The following GNA12 variants were observed in gnomAD, a reference collection of about 807,000 sequenced individuals.
The protein encoded by GNA12 is G protein subunit alpha 12.
GNA12 carries 9 observed loss-of-function variants against 26.0 expected under a neutral mutation model. The ratio of observed to expected loss-of-function variants is 0.35; its 90% confidence interval spans 0.21 to 0.60. The LOEUF is 0.60. Among genes scored for constraint, GNA12 ranks in the 20% least tolerant of loss-of-function variants. The pLI is 0.78. For missense variants in GNA12, 405 were observed against 525.8 expected (o/e 0.77, Z 2.25); for synonymous variants, 264 against 219.6 (o/e 1.20, Z -1.79).
chr7:2,748,834 T>A (rs1350804119), intron 2 of GNA12, among the ~76,000 whole-genome samples: 1 of 151,734 alleles, frequency 6.6e-6, no homozygotes, highest in Non-Finnish European at 1.5e-5. Flanking sequence ...AACAACCCCA[T>A]CAAAAAGTGG....
chr7:2,825,281 T>G (rs2114967100), intron 1 of GNA12, among the ~76,000 whole-genome samples: 1 of 152,174 alleles, frequency 6.6e-6, no homozygotes, highest in Non-Finnish European at 1.5e-5. Flanking sequence ...CCCTCCGAGC[T>G]CTTGCCAGGA....
At chr7:2,792,645 C>G (rs16870623) in intron 2 of GNA12, among the ~76,000 whole-genome samples, 1 of 152,366 alleles carries the variant, frequency 6.6e-6, no homozygotes, top group East Asian at 1.9e-4. Context: ...CATTGAGATA[C>G]TGACATGTAT....
At chr7:2,800,342 AG>A (rs1433159495) in intron 1 of GNA12, among the ~76,000 whole-genome samples, 1 of 152,218 alleles carries the variant, frequency 6.6e-6, no homozygotes, top group African/African-American at 2.4e-5. Flanking sequence ...AGACAGGGGG[AG>A]AAGTGACTAG....
intron 2 of GNA12, among the ~76,000 whole-genome samples, chr7:2,788,753 G>C (rs1050032115): frequency 1.3e-5 from 2 of 152,162 alleles, no homozygotes; most frequent in Admixed American, 1.3e-4. Flanking sequence ...CCTCTGCCCT[G>C]CTATGACCAC....
chr7:2,758,718 G>A (rs1344171796), intron 2 of GNA12, among the ~76,000 whole-genome samples: 1 of 152,222 alleles, frequency 6.6e-6, no homozygotes, highest in African/African-American at 2.4e-5. Flanking sequence ...GCCCCTAACA[G>A]CAGAGTCACA....
At position 2,778,108 on chromosome 7, in the gene GNA12, C is replaced by T. The variant is rs116876549; in HGVS notation, c.525+16820G>A. 9.8e-3 allele frequency among the ~76,000 whole-genome samples: 1,485 copies of T among 152,266 alleles called. 13 individuals carry two copies. Among genetic ancestry groups the T allele is most frequent in the Non-Finnish European group, 0.016 (1,080 of 68,028 alleles). ...TTAGCGGCATAGTCTTTTCCAAAGA[C>T]TCGCTGGGATACATGTGTCCAGTTG... On this transcript the variant is annotated intron_variant, in intron 2 of 3. Transcript: ENST00000275364.
At chr7:2,812,771 C>T (rs937271143) in intron 1 of GNA12, among the ~76,000 whole-genome samples, 1 of 151,788 alleles carries the variant, frequency 6.6e-6, no homozygotes, top group Non-Finnish European at 1.5e-5. Flanking sequence ...AAGGCACAGA[C>T]GTTACATTTA....
At chr7:2,763,126 CTT>C (rs1791648057) in intron 2 of GNA12, 3 of 1,235,580 alleles carry the variant, frequency 2.4e-6, no homozygotes, top group Non-Finnish European at 3.0e-6. Flanking sequence ...CTTCCTCTCT[CTT>C]CTCAGAAGCA....
rs114757372 is a variant in GNA12, at chr7:2,818,979, T to C, written c.310-23836A>G. Among the ~76,000 whole-genome samples the C allele has an allele frequency of 1.2e-3, 176 of 152,276 alleles. 1 individual carries two copies. The highest frequency in any genetic ancestry group is 3.9e-3 in the African/African-American group (164 of 41,566). On this transcript the variant is annotated intron_variant, in intron 1 of 3. Coordinates refer to ENST00000275364, the MANE Select transcript of GNA12 (RefSeq NM_007353.3). ...CGGGGGTATTCATCAATTGGGAACCTAGGTGAAAGGTCTTTGCAGAGGTAA... is the reference window on the plus strand; with the variant it reads ...CGGGGGTATTCATCAATTGGGAACCCAGGTGAAAGGTCTTTGCAGAGGTAA...
chr7:2,751,610 C>T (rs1177694053), intron 2 of GNA12, among the ~76,000 whole-genome samples: 1 of 152,028 alleles, frequency 6.6e-6, no homozygotes, highest in Non-Finnish European at 1.5e-5. Flanking sequence ...AAAATGTCAA[C>T]AGAACTGATA....
At chr7:2,815,178 G>T in intron 1 of GNA12, 1 of 496,234 alleles carries the variant, frequency 2.0e-6, no homozygotes, top group Non-Finnish European at 3.6e-6. Context: ...ACATCGGCGA[G>T]GTGCCTGCGG....
chr7:2,833,513 T>C (rs1295463996), intron 1 of GNA12, among the ~76,000 whole-genome samples: 3 of 152,086 alleles, frequency 2.0e-5, no homozygotes, highest in African/African-American at 7.2e-5. Context: ...GTTAAGATAA[T>C]CAACATGTAA....
chr7:2,764,459 ATT>A (rs1324747781), intron 2 of GNA12: 1 of 152,076 alleles, frequency 6.6e-6, no homozygotes, highest in Non-Finnish European at 1.5e-5. Context: ...TATGAAGTCT[ATT>A]TGTTCAATTA....
chr7:2,817,188 C>A (rs1315353130), intron 1 of GNA12, among the ~76,000 whole-genome samples: 1 of 152,278 alleles, frequency 6.6e-6, no homozygotes, highest in Non-Finnish European at 1.5e-5. Context: ...TCACCGCAAC[C>A]TCCACCTCCA....
intron 2 of GNA12, among the ~76,000 whole-genome samples, chr7:2,784,144 G>T (rs1479865894): frequency 2.0e-5 from 3 of 151,872 alleles, no homozygotes; most frequent in African/African-American, 7.3e-5. Flanking sequence ...TTGACACAGG[G>T]TCTTGCTTTG....
At chr7:2,780,093 T>TATATA (rs57390413) in intron 2 of GNA12, among the ~76,000 whole-genome samples, 2 of 130,136 alleles carry the variant, frequency 1.5e-5, no homozygotes, top group African/African-American at 6.0e-5. Context: ...TATATATATA[T>TATATA]GCCTGTTTTC....
chr7:2,766,438 T>C (rs1479515940), intron 2 of GNA12, among the ~76,000 whole-genome samples: 3 of 147,952 alleles, frequency 2.0e-5, no homozygotes. Context: ...CAGGCTGGAG[T>C]GCAGTGGTGC....
At chr7:2,840,537 T>G (rs1356159990) in intron 1 of GNA12, among the ~76,000 whole-genome samples, 3 of 152,220 alleles carry the variant, frequency 2.0e-5, no homozygotes, top group Admixed American at 6.5e-5. Context: ...TGTCCAGTAC[T>G]AAAGGCACTG....
At chr7:2,767,947 T>G (rs767523034) in intron 2 of GNA12, among the ~76,000 whole-genome samples, 3 of 152,222 alleles carry the variant, frequency 2.0e-5, no homozygotes, top group Non-Finnish European at 4.4e-5. Context: ...CTCCGCCTCC[T>G]GGGTTCAAGC....
Sources: allele counts gnomAD v4.1 joint callset (sites outside exome capture counted in the v4.1 genomes callset), GRCh38; gene constraint gnomAD v4.1.1; transcripts MANE v1.5; gene names NCBI Gene and HGNC (gene_info 2026-07-23, HGNC 2026-07-21).